Variants in FAM135B observed in about 807,000 individuals in gnomAD.
FAM135B encodes the protein family with sequence similarity 135 member B.
FAM135B carries 43 observed loss-of-function variants against 127.7 expected under a neutral mutation model. The observed-to-expected ratio is 0.34, with a 90% CI of 0.26 to 0.43. The LOEUF (loss-of-function observed/expected upper bound fraction) is 0.43. Ranked by LOEUF, FAM135B falls within the 20% of genes least tolerant of loss-of-function variation. The probability of loss-of-function intolerance (pLI) is 1.00; values close to 1 mark genes in which losing one functional copy is unlikely to be tolerated. For missense variants in FAM135B, 1,558 were observed against 1,725.6 expected (o/e 0.90, Z 1.72); for synonymous variants, 670 against 665.1 (o/e 1.01, Z -0.11).
intron 1 of FAM135B, among the ~76,000 whole-genome samples, chr8:138,435,551 CAAT>C (rs1587447797): frequency 2.6e-5 from 4 of 152,108 alleles, no homozygotes; most frequent in South Asian, 2.1e-4. Context: ...TATTAGAATG[CAAT>C]AATATTACTT....
intron 1 of FAM135B, among the ~76,000 whole-genome samples, chr8:138,475,023 C>T (rs1367429316): frequency 6.6e-6 from 1 of 152,178 alleles, no homozygotes; most frequent in Non-Finnish European, 1.5e-5. Flanking sequence ...TGGGACAAAA[C>T]CTTGTGCTGT....
chr8:138,310,025 T>C (rs1196366731), intron 3 of FAM135B, among the ~76,000 whole-genome samples: 2 of 152,030 alleles, frequency 1.3e-5, no homozygotes, highest in Non-Finnish European at 2.9e-5. Flanking sequence ...CCCGCCACCA[T>C]GCCTGGCTAA....
At chr8:138,189,054 G>A (rs1370446798) in intron 9 of FAM135B, among the ~76,000 whole-genome samples, 1 of 152,062 alleles carries the variant, frequency 6.6e-6, no homozygotes, top group Non-Finnish European at 1.5e-5. Context: ...ACCATCCATG[G>A]CCTGCCCCAC....
intron 2 of FAM135B, among the ~76,000 whole-genome samples, chr8:138,344,472 T>C (rs1459340178): frequency 2.6e-5 from 4 of 152,076 alleles, no homozygotes; most frequent in African/African-American, 9.7e-5. Context: ...CGCTTGGCTA[T>C]TTCTTAATTA....
chr8:138,463,609 G>A (rs1046875744), intron 1 of FAM135B, among the ~76,000 whole-genome samples: 7 of 152,120 alleles, frequency 4.6e-5, no homozygotes, highest in African/African-American at 9.7e-5. Flanking sequence ...AACGTAAAGC[G>A]CTCCACAAAT....
chr8:138,130,779 C>G lies in FAM135B; in HGVS notation c.*1814G>C, dbSNP rs1454073809. ...CCCAGGTTACAGAGCAAATACAGCA[C>G]TCCTCATGAAGAACCAGAGTCTATG... is the stretch of plus-strand genomic sequence containing the variant. On this transcript the variant is annotated 3_prime_UTR_variant, in exon 20 of 20. Coordinates refer to ENST00000395297, the MANE Select transcript of FAM135B (RefSeq NM_015912.4). 1.3e-5 allele frequency: 2 copies of G among 152,226 alleles called. No individual in the cohort carries two copies. Among genetic ancestry groups the G allele is most frequent in the African/African-American group, 4.8e-5 (2 of 41,460 alleles). 9.4% of individuals were successfully genotyped at this position (152,226 alleles called of 1,614,324 possible). A position where few individuals can be genotyped will look rare whatever the true frequency, so the allele number is the denominator to read the frequency against.
intron 12 of FAM135B, among the ~76,000 whole-genome samples, chr8:138,163,773 A>G (rs2130871239): frequency 6.6e-6 from 1 of 152,242 alleles, no homozygotes; most frequent in East Asian, 1.9e-4. Context: ...TACACCATGA[A>G]CAAATGCTAT....
chr8:138,473,503 C>T (rs1212621532), intron 1 of FAM135B, among the ~76,000 whole-genome samples: 1 of 152,120 alleles, frequency 6.6e-6, no homozygotes, highest in Admixed American at 6.6e-5. Context: ...TCAGAGAATT[C>T]TAAACTCATA....
chr8:138,222,084 T>A (rs943055003), intron 7 of FAM135B, among the ~76,000 whole-genome samples: 1 of 151,728 alleles, frequency 6.6e-6, no homozygotes, highest in East Asian at 1.9e-4. Context: ...GAGGTGGAGA[T>A]GTGGAAGACA....
intron 1 of FAM135B, among the ~76,000 whole-genome samples, chr8:138,380,969 C>T (rs1370699340): frequency 6.8e-6 from 1 of 146,934 alleles, no homozygotes; most frequent in Non-Finnish European, 1.5e-5. Context: ...CACACACATG[C>T]ACAAAAAACA....
chr8:138,491,114 C>A (rs1276599821), intron 1 of FAM135B, among the ~76,000 whole-genome samples: 8 of 147,618 alleles, frequency 5.4e-5, no homozygotes, highest in African/African-American at 2.0e-4. Flanking sequence ...GCACTCCCAG[C>A]CTAGGCAACA....
At chr8:138,459,791 G>C (rs1026864646) in intron 1 of FAM135B, among the ~76,000 whole-genome samples, 3 of 152,124 alleles carry the variant, frequency 2.0e-5, no homozygotes, top group South Asian at 4.2e-4. Flanking sequence ...ATGGCAAAGG[G>C]AACTGGAGAG....
intron 3 of FAM135B, among the ~76,000 whole-genome samples, chr8:138,281,681 G>C (rs1208942937): frequency 6.6e-6 from 1 of 151,718 alleles, no homozygotes; most frequent in Non-Finnish European, 1.5e-5. Flanking sequence ...TCCTTATAAG[G>C]GTCACCTCCC....
chr8:138,181,486 C>T (rs1815031398), intron 9 of FAM135B, among the ~76,000 whole-genome samples: 1 of 152,156 alleles, frequency 6.6e-6, no homozygotes, highest in African/African-American at 2.4e-5. Context: ...GCCCAGTGCA[C>T]TCCCGTTCCC....
chr8:138,464,108 A>G (rs1188045062), intron 1 of FAM135B, among the ~76,000 whole-genome samples: 1 of 152,224 alleles, frequency 6.6e-6, no homozygotes, highest in African/African-American at 2.4e-5. Flanking sequence ...GCCATGCATC[A>G]GGCACTGCTA....
chr8:138,275,681 C>T (rs1386515217), intron 3 of FAM135B, among the ~76,000 whole-genome samples: 4 of 151,660 alleles, frequency 2.6e-5, no homozygotes, highest in South Asian at 2.1e-4. Context: ...GGTGACAGAA[C>T]GAGAGTTTGT....
intron 3 of FAM135B, among the ~76,000 whole-genome samples, chr8:138,304,111 G>T (rs888765867): frequency 2.6e-5 from 4 of 151,944 alleles, no homozygotes; most frequent in Admixed American, 6.6e-5. Context: ...AGGAAGACAG[G>T]CCTGGGTACA....
intron 12 of FAM135B, among the ~76,000 whole-genome samples, chr8:138,155,937 C>A (rs919411398): frequency 6.6e-6 from 1 of 152,132 alleles, no homozygotes; most frequent in South Asian, 2.1e-4. Context: ...GGCTCTGCAC[C>A]AAGCAGACCT....
chr8:138,429,575 T>G (rs755203076), intron 1 of FAM135B, among the ~76,000 whole-genome samples: 1 of 152,340 alleles, frequency 6.6e-6, no homozygotes, highest in South Asian at 2.1e-4. Flanking sequence ...TAATTTGTTT[T>G]CAGAGCCTCT....
Sources: gnomAD v4.1 joint callset for allele counts (sites outside exome capture counted in the v4.1 genomes callset) on GRCh38, gnomAD v4.1.1 for gene constraint, MANE v1.5 for transcripts, NCBI Gene and HGNC (gene_info 2026-07-23, HGNC 2026-07-21) for gene names.